The following NDUFA10 variants were observed in gnomAD, a reference collection of about 807,000 sequenced individuals.
NDUFA10 encodes NADH:ubiquinone oxidoreductase subunit A10, also known as NADH dehydrogenase [ubiquinone] 1 alpha subcomplex subunit 10, mitochondrial.
NDUFA10 carries 40 observed loss-of-function variants against 47.8 expected under a neutral mutation model. The ratio of observed to expected loss-of-function variants is 0.84; its 90% CI spans 0.65 to 1.09. The LOEUF (loss-of-function observed/expected upper bound fraction) is 1.09. Among genes scored for constraint, NDUFA10 ranks in the 50% least tolerant of loss-of-function variants. The pLI, the probability that NDUFA10 is intolerant of heterozygous loss-of-function variation, is 0.00. For missense variants in NDUFA10, 413 were observed against 451.1 expected, an observed-to-expected ratio of 0.92 and a Z score of 0.76; for synonymous variants, 183 against 172.2, an observed-to-expected ratio of 1.06 and a Z score of -0.49.
chr2:239,953,279 G>A (rs921232060), downstream of NDUFA10, among the ~76,000 whole-genome samples: 2 of 152,176 alleles, frequency 1.3e-5, no homozygotes, highest in Admixed American at 6.5e-5. Context: ...GCAGCCTCTA[G>A]AAGCTGGGAA....
rs184769349 is a variant in NDUFA10 at position 240,000,543 on chromosome 2, C to T, written c.890+4667G>A. 5.6e-3 allele frequency among the ~76,000 whole-genome samples: 850 copies of T among 152,024 alleles called. 12 individuals carry two copies. The highest frequency in any genetic ancestry group is 0.02 in the African/African-American group (815 of 41,446). ...GTTAATCTCTTACTGAAGAAAAAAACTTTTTATATAAATTTAGTGTAGCCT... is the reference window on the plus strand; with the variant it reads ...GTTAATCTCTTACTGAAGAAAAAAATTTTTTATATAAATTTAGTGTAGCCT... On this transcript the variant is annotated intron_variant, in intron 8 of 9. Transcript: ENST00000252711.
intron 9 of NDUFA10, among the ~76,000 whole-genome samples, chr2:239,989,588 A>T (rs1696160287): frequency 6.6e-6 from 1 of 152,236 alleles, no homozygotes; most frequent in Admixed American, 6.5e-5. Flanking sequence ...ACTCACTAAG[A>T]AGGTATGGCA....
At chr2:239,897,942 C>A (rs911727941) in intron 4 of NDUFA10, among the ~76,000 whole-genome samples, 4 of 152,218 alleles carry the variant, frequency 2.6e-5, no homozygotes, top group Non-Finnish European at 5.9e-5. Flanking sequence ...CTTCTGGGAT[C>A]CCTCTTCCTT....
At chr2:239,952,764 C>T (rs1404663472), downstream of NDUFA10, among the ~76,000 whole-genome samples, 3 of 152,196 alleles carry the variant, frequency 2.0e-5, no homozygotes, top group Admixed American at 6.5e-5. Flanking sequence ...GCCAGGGCCC[C>T]GGAGGGGTGC....
downstream of NDUFA10, among the ~76,000 whole-genome samples, chr2:239,953,808 G>A (rs937642879): frequency 6.6e-6 from 1 of 152,212 alleles, no homozygotes; most frequent in East Asian, 1.9e-4. Context: ...AGCCAACACA[G>A]GCTCCTTCAG....
chr2:239,996,523 T>C (rs1427605162), intron 8 of NDUFA10, among the ~76,000 whole-genome samples: 1 of 152,264 alleles, frequency 6.6e-6, no homozygotes, highest in Non-Finnish European at 1.5e-5. Flanking sequence ...ATTTGTGTGA[T>C]ACAGCAAAAG....
intron 9 of NDUFA10, among the ~76,000 whole-genome samples, chr2:239,975,010 G>A (rs768977625): frequency 2.0e-5 from 2 of 99,618 alleles, no homozygotes; most frequent in Non-Finnish European, 4.0e-5. Flanking sequence ...ACACTCCTCC[G>A]CCACCAAAGA....
intron 9 of NDUFA10, chr2:239,983,833 A>C: frequency 6.9e-7 from 1 of 1,457,070 alleles, no homozygotes; most frequent in South Asian, 1.4e-5. Flanking sequence ...ACCTAAGGAG[A>C]CATGAGGACC....
intron 3 of NDUFA10, 52 bp downstream of exon 3, chr2:240,021,145 C>A: frequency 6.6e-7 from 1 of 1,514,396 alleles, no homozygotes; most frequent in South Asian, 1.1e-5. Flanking sequence ...TGGTTGAATT[C>A]TAGAATAGTG....
At chr2:239,993,128 G>A (rs1260522660) in intron 8 of NDUFA10, among the ~76,000 whole-genome samples, 1 of 152,146 alleles carries the variant, frequency 6.6e-6, no homozygotes, top group Non-Finnish European at 1.5e-5. Context: ...TACACTATGG[G>A]GGAATTACAG....
downstream of NDUFA10, among the ~76,000 whole-genome samples, chr2:239,953,459 C>T (rs1056706913): frequency 2.0e-5 from 3 of 152,224 alleles, no homozygotes; most frequent in Admixed American, 6.5e-5. Flanking sequence ...GAAACTGCTC[C>T]GCGTTGATCT....
chr2:239,996,222 C>G (rs1391474460), intron 8 of NDUFA10, among the ~76,000 whole-genome samples: 1 of 152,088 alleles, frequency 6.6e-6, no homozygotes, highest in Non-Finnish European at 1.5e-5. Flanking sequence ...ATACAACACT[C>G]CAGCAACAGC....
At chr2:239,915,980 A>AACC (rs1693864320) in intron 4 of NDUFA10, among the ~76,000 whole-genome samples, 1 of 137,370 alleles carries the variant, frequency 7.3e-6, no homozygotes, top group Non-Finnish European at 1.6e-5. Flanking sequence ...ACACACACAC[A>AACC]CACACCCATA....
intron 4 of NDUFA10, among the ~76,000 whole-genome samples, chr2:239,909,304 C>CA (rs1416733280): frequency 2.6e-5 from 4 of 152,106 alleles, no homozygotes; most frequent in African/African-American, 4.8e-5. Flanking sequence ...AAATGTAAAA[C>CA]CAAAAACTAT....
intron 4 of NDUFA10, among the ~76,000 whole-genome samples, chr2:239,918,277 G>A (rs1414133315): frequency 6.6e-6 from 1 of 152,306 alleles, no homozygotes; most frequent in African/African-American, 2.4e-5. Flanking sequence ...CCACAGCCCT[G>A]GGCAGCAACA....
At chr2:239,974,729 C>T (rs548518152) in intron 9 of NDUFA10, among the ~76,000 whole-genome samples, 4 of 152,342 alleles carry the variant, frequency 2.6e-5, no homozygotes, top group African/African-American at 4.8e-5. Flanking sequence ...ACTCCGCCAC[C>T]AAAGAGCTGG....
At chr2:240,021,975 T>C (rs897771684) in intron 2 of NDUFA10, among the ~76,000 whole-genome samples, 197 bp downstream of exon 2, 4 of 152,154 alleles carry the variant, frequency 2.6e-5, no homozygotes, top group Non-Finnish European at 5.9e-5. Context: ...TTTCCAAACA[T>C]AAAAGATTAA....
intron 9 of NDUFA10, among the ~76,000 whole-genome samples, chr2:239,963,644 G>A (rs747856358): frequency 7.9e-5 from 12 of 152,192 alleles, no homozygotes; most frequent in African/African-American, 1.4e-4. Flanking sequence ...CAGGGTGTGG[G>A]GGCTACATGG....
At position 240,021,293 on chromosome 2, in the gene NDUFA10, T is replaced by C. The variant is rs780163093; in HGVS notation, c.364A>G (p.Arg122Gly). The change falls in exon 3 of 10, where the codon AGA becomes GGA. Residue 122 changes from arginine to glycine, a missense_variant. Coordinates refer to ENST00000252711, the MANE Select transcript of NDUFA10 (RefSeq NM_004544.4). ...CSLEKFYDDP[R>G]SNDGNSYRLQ... is the part of the protein sequence containing the mutation. ...CGGTAACTGTTGCCATCATTGCTTCTCGGATCATCGTAAAATTTCTCCAAA... is the reference window on the plus strand; with the variant it reads ...CGGTAACTGTTGCCATCATTGCTTCCCGGATCATCGTAAAATTTCTCCAAA... 26 of 1,614,076 alleles carry C rather than the reference T, an allele frequency of 1.6e-5. No homozygotes were observed. Among genetic ancestry groups the C allele is most frequent in the Non-Finnish European group, 2.1e-5 (25 of 1,180,040 alleles).
Sources: allele counts gnomAD v4.1 joint callset (sites outside exome capture counted in the v4.1 genomes callset), GRCh38; gene constraint gnomAD v4.1.1; transcripts MANE v1.5; gene names NCBI Gene and HGNC (gene_info 2026-07-23, HGNC 2026-07-21).